Variants in QRFPR observed in about 807,000 individuals in gnomAD.
QRFPR encodes pyroglutamylated RF-amide peptide receptor.
In QRFPR, 37 loss-of-function variants were observed where a neutral mutation model predicts 31.3. That is an observed-to-expected ratio of 1.18 (90% CI 0.91 to 1.56). The LOEUF is 1.56. Ranked by LOEUF, QRFPR falls within the 40% of genes most tolerant of loss-of-function variation. The pLI is 0.00. For missense variants in QRFPR, 542 were observed against 532.5 expected (o/e 1.02, Z -0.18); for synonymous variants, 197 against 192.0 (o/e 1.03, Z -0.22).
intron 1 of QRFPR, among the ~76,000 whole-genome samples, chr4:121,349,974 C>T (rs527750650): frequency 6.6e-5 from 10 of 152,022 alleles, no homozygotes; most frequent in Admixed American, 5.9e-4. Context: ...TGGGATGATC[C>T]GTTACTCCTG....
Position 121,343,685 on chromosome 4 carries a change from CA to C in QRFPR, c.341-3076del, listed in dbSNP as rs1725589565. ...TTTTCTCTTTTCTTGCAAATTTAAT[CA>C]GAACTTTTTCTATTGAGAAGAACCT... On this transcript the variant is annotated intron_variant, in intron 1 of 5. Coordinates refer to ENST00000394427, the MANE Select transcript of QRFPR (RefSeq NM_198179.3). Among the ~76,000 whole-genome samples the C allele has an allele frequency of 2.0e-5, 3 of 152,026 alleles. No homozygotes were observed. In the South Asian group the frequency reaches 6.2e-4, roughly 32 times the overall value.
chr4:121,355,419 C>A (rs2110476681), intron 1 of QRFPR, among the ~76,000 whole-genome samples: 1 of 152,130 alleles, frequency 6.6e-6, no homozygotes, highest in Middle Eastern at 3.4e-3. Flanking sequence ...TGTAATGTCT[C>A]CCTTTTTGTC....
chr4:121,373,056 T>G (rs1282306989), intron 1 of QRFPR, among the ~76,000 whole-genome samples: 1 of 152,136 alleles, frequency 6.6e-6, no homozygotes, highest in Non-Finnish European at 1.5e-5. Context: ...AGGTAGAATA[T>G]TCCCTTTTTT....
chr4:121,344,588 G>A (rs967049541), intron 1 of QRFPR, among the ~76,000 whole-genome samples: 1 of 151,934 alleles, frequency 6.6e-6, no homozygotes, highest in Non-Finnish European at 1.5e-5. Context: ...TTTAAAAATA[G>A]GTACATGCTC....
intron 1 of QRFPR, among the ~76,000 whole-genome samples, chr4:121,376,812 A>AC (rs34188532): frequency 0.19 from 27,875 of 148,502 alleles, 3,063 homozygotes; most frequent in Non-Finnish European, 0.25. Flanking sequence ...AAGAGCCATT[A>AC]CTACTTCAAG....
chr4:121,361,758 C>T lies in QRFPR; in HGVS notation c.340+18550G>A, dbSNP rs1725997001. Among the ~76,000 whole-genome samples the T allele has an allele frequency of 2.7e-5, 4 of 150,020 alleles. 1 individual carries two copies. Among genetic ancestry groups the T allele is most frequent in the Admixed American group, 2.7e-4 (4 of 15,078 alleles). ...GTTGCTCCTAAGGAACAATATTTCC[C>T]AGACTAAAATATTTTTTTCACGAGG... is the stretch of plus-strand genomic sequence containing the variant. On this transcript the variant is annotated intron_variant, in intron 1 of 5. Coordinates refer to ENST00000394427, the MANE Select transcript of QRFPR (RefSeq NM_198179.3).
chr4:121,376,409 T>C (rs1726353103), intron 1 of QRFPR, among the ~76,000 whole-genome samples: 1 of 152,224 alleles, frequency 6.6e-6, no homozygotes, highest in African/African-American at 2.4e-5. Flanking sequence ...AACTTTAGTG[T>C]AATTCATGTA....
At chr4:121,346,980 T>C (rs564331019) in intron 1 of QRFPR, among the ~76,000 whole-genome samples, 2 of 152,322 alleles carry the variant, frequency 1.3e-5, no homozygotes, top group Admixed American at 1.3e-4. Flanking sequence ...CGTTTGCAAC[T>C]TTCTTTCTAT....
At chr4:121,359,918 T>C (rs536580190) in intron 1 of QRFPR, among the ~76,000 whole-genome samples, 74 of 152,126 alleles carry the variant, frequency 4.9e-4, no homozygotes, top group African/African-American at 1.7e-3. Context: ...CTCATCTCTG[T>C]AACTTGCATG....
chr4:121,365,559 TATATATTATA>T (rs1560743744), intron 1 of QRFPR, among the ~76,000 whole-genome samples: 1 of 5,924 alleles, frequency 1.7e-4, no homozygotes, highest in African/African-American at 1.1e-3. Flanking sequence ...TAATATATAA[TATATATTATA>T]TATAATATAT....
At position 121,342,167 on chromosome 4, in the gene QRFPR, C is replaced by G. The variant is rs1361541381; in HGVS notation, c.341-1557G>C. Among the ~76,000 whole-genome samples, 4 of 152,178 alleles carry G rather than the reference C, an allele frequency of 2.6e-5. 1 individual carries two copies. Among genetic ancestry groups the G allele is most frequent in the South Asian group, 4.1e-4 (2 of 4,824 alleles). On this transcript the variant is annotated intron_variant, in intron 1 of 5. Coordinates refer to ENST00000394427, the MANE Select transcript of QRFPR (RefSeq NM_198179.3). Reference sequence around the variant, plus strand: ...AAGGCACAGGAAGGGTGAATTTGCTCTCTGCTGAAACTGGAACTTGCACTT... The same window carrying G: ...AAGGCACAGGAAGGGTGAATTTGCTGTCTGCTGAAACTGGAACTTGCACTT...
intron 1 of QRFPR, among the ~76,000 whole-genome samples, chr4:121,355,814 A>G (rs1416560986): frequency 6.6e-6 from 1 of 151,924 alleles, no homozygotes; most frequent in Non-Finnish European, 1.5e-5. Context: ...TTCTTTATTG[A>G]TGCATTGGTC....
intron 1 of QRFPR, among the ~76,000 whole-genome samples, chr4:121,370,912 A>G (rs772210402): frequency 6.6e-6 from 1 of 152,204 alleles, no homozygotes; most frequent in Non-Finnish European, 1.5e-5. Context: ...TTCTGCCACC[A>G]CATCAACCAC....
At chr4:121,339,971 C>T (rs1467435452) in intron 2 of QRFPR, among the ~76,000 whole-genome samples, 3 of 151,620 alleles carry the variant, frequency 2.0e-5, no homozygotes, top group Non-Finnish European at 4.4e-5. Context: ...AAAAAAAAAT[C>T]GACCTGCCCT....
At chr4:121,358,216 A>G (rs1725906716) in intron 1 of QRFPR, among the ~76,000 whole-genome samples, 1 of 152,222 alleles carries the variant, frequency 6.6e-6, no homozygotes, top group Non-Finnish European at 1.5e-5. Flanking sequence ...AATGTTGTTT[A>G]TTGCTTATTG....
chr4:121,354,525 C>T (rs1051592362), intron 1 of QRFPR, among the ~76,000 whole-genome samples: 2 of 151,748 alleles, frequency 1.3e-5, no homozygotes, highest in Non-Finnish European at 2.9e-5. Context: ...TTTTCCTTTT[C>T]AATTTGGATG....
intron 4 of QRFPR, among the ~76,000 whole-genome samples, chr4:121,331,206 A>G (rs1411558053): frequency 8.8e-6 from 1 of 114,124 alleles, no homozygotes; most frequent in Non-Finnish European, 1.7e-5. Flanking sequence ...TTTTTTTGAG[A>G]CAAGGTCTTA....
intron 1 of QRFPR, among the ~76,000 whole-genome samples, chr4:121,365,341 C>A (rs1726071076): frequency 1.4e-5 from 2 of 141,980 alleles, no homozygotes; most frequent in South Asian, 4.4e-4. Context: ...GTAGTCCCAG[C>A]TACTCGGGAG....
chr4:121,369,939 C>T, intron 1 of QRFPR: 2 of 767,202 alleles, frequency 2.6e-6, no homozygotes, highest in Non-Finnish European at 4.8e-6. Flanking sequence ...GTGGTGACAC[C>T]CTTGTGGGTG....
Sources: gnomAD v4.1 joint callset for allele counts (sites outside exome capture counted in the v4.1 genomes callset) on GRCh38, gnomAD v4.1.1 for gene constraint, MANE v1.5 for transcripts, NCBI Gene and HGNC (gene_info 2026-07-23, HGNC 2026-07-21) for gene names.